PPP2R2B: variants seen among roughly 807,000 people sequenced by gnomAD.
PPP2R2B encodes the protein protein phosphatase 2 regulatory subunit Bbeta.
In PPP2R2B, 5 loss-of-function variants were observed where a neutral mutation model predicts 46.0. The ratio of observed to expected loss-of-function variants is 0.11; its 90% CI spans 0.06 to 0.23. The LOEUF (loss-of-function observed/expected upper bound fraction) is 0.23, where lower values mean the gene tolerates loss of function less well. PPP2R2B is among the 10% of genes least tolerant of loss of function. The probability of loss-of-function intolerance (pLI) is 1.00; values close to 1 mark genes in which losing one functional copy is unlikely to be tolerated. For synonymous variants in PPP2R2B, 215 were observed against 206.7 expected, an observed-to-expected ratio of 1.04 and a Z score of -0.34; for missense variants, 367 against 575.0, an observed-to-expected ratio of 0.64 and a Z score of 3.70.
At chr5:146,866,173 G>A (rs1042650152) in intron 2 of PPP2R2B, among the ~76,000 whole-genome samples, 1 of 152,152 alleles carries the variant, frequency 6.6e-6, no homozygotes, top group Non-Finnish European at 1.5e-5. Context: ...AGAGTTTACT[G>A]ATCCCTGCTC....
chr5:146,671,572 C>A (rs918393186), intron 5 of PPP2R2B, among the ~76,000 whole-genome samples: 3 of 152,196 alleles, frequency 2.0e-5, no homozygotes, highest in Non-Finnish European at 4.4e-5. Context: ...GTGTGCCACT[C>A]CATCAAACAC....
chr5:146,908,349 G>A (rs1763067937), intron 1 of PPP2R2B, among the ~76,000 whole-genome samples: 1 of 152,000 alleles, frequency 6.6e-6, no homozygotes, highest in African/African-American at 2.4e-5. Flanking sequence ...AAGTTTCAAG[G>A]AATTATGCAG....
At chr5:146,603,513 C>T (rs1268355186) in intron 7 of PPP2R2B, among the ~76,000 whole-genome samples, 1 of 152,164 alleles carries the variant, frequency 6.6e-6, no homozygotes, top group African/African-American at 2.4e-5. Flanking sequence ...CTTCAATCAA[C>T]CTACCACCAT....
chr5:146,706,544 C>A, intron 2 of PPP2R2B: 2 of 1,084,230 alleles, frequency 1.8e-6, no homozygotes, highest in East Asian at 2.8e-5. Context: ...ACTTGGTCTG[C>A]TGAAGGGCGG....
intron 1 of PPP2R2B, among the ~76,000 whole-genome samples, chr5:146,955,232 A>G (rs1350662150): frequency 6.6e-6 from 1 of 152,200 alleles, no homozygotes; most frequent in Non-Finnish European, 1.5e-5. Context: ...ATTCTTATGC[A>G]TCCAGCTCAA....
intron 1 of PPP2R2B, among the ~76,000 whole-genome samples, chr5:146,982,243 C>G (rs187669756): frequency 6.6e-6 from 1 of 152,110 alleles, no homozygotes; most frequent in Admixed American, 6.6e-5. Flanking sequence ...CCAGGTCCCA[C>G]AATTTTTGAT....
At chr5:147,053,483 A>C (rs1756928687) in intron 1 of PPP2R2B, among the ~76,000 whole-genome samples, 1 of 151,370 alleles carries the variant, frequency 6.6e-6, no homozygotes, top group South Asian at 2.1e-4. Context: ...TAAAATGTGA[A>C]GTTCACAGCC....
intron 1 of PPP2R2B, among the ~76,000 whole-genome samples, chr5:146,895,951 T>G (rs944095550): frequency 6.6e-6 from 1 of 152,076 alleles, no homozygotes; most frequent in Non-Finnish European, 1.5e-5. Context: ...TAAGAAATTA[T>G]GAAAATCGCA....
intron 1 of PPP2R2B, among the ~76,000 whole-genome samples, chr5:147,030,733 T>A (rs546876662): frequency 1.8e-4 from 27 of 152,284 alleles, no homozygotes; most frequent in African/African-American, 6.5e-4. Context: ...TCCCCGAAAG[T>A]CTAAGAGAGC....
At chr5:147,009,389 T>C (rs1754606053) in intron 1 of PPP2R2B, among the ~76,000 whole-genome samples, 1 of 152,202 alleles carries the variant, frequency 6.6e-6, no homozygotes, top group Non-Finnish European at 1.5e-5. Flanking sequence ...TTTAAATCCT[T>C]GTATGAATGA....
intron 1 of PPP2R2B, among the ~76,000 whole-genome samples, chr5:146,907,241 AAAT>A (rs1355127043): frequency 1.3e-5 from 2 of 152,184 alleles, no homozygotes; most frequent in Admixed American, 6.5e-5. Context: ...GTAGAAGTTA[AAAT>A]CTAGAAATAA....
intron 1 of PPP2R2B, among the ~76,000 whole-genome samples, chr5:146,928,005 G>T (rs1439848974): frequency 6.6e-6 from 1 of 152,088 alleles, no homozygotes; most frequent in Non-Finnish European, 1.5e-5. Flanking sequence ...CTCCCAAAGT[G>T]CTGGGATTAC....
chr5:146,891,689 A>T (rs1762495726), intron 1 of PPP2R2B, among the ~76,000 whole-genome samples: 1 of 152,196 alleles, frequency 6.6e-6, no homozygotes, highest in South Asian at 2.1e-4. Context: ...TTAGTAATTT[A>T]TGTGCGAATA....
Position 146,653,651 on chromosome 5 carries a change from C to T in PPP2R2B, c.448-2927G>A, listed in dbSNP as rs577243266. Among the ~76,000 whole-genome samples the T allele has an allele frequency of 7.0e-3, 1,058 of 152,178 alleles. 13 individuals carry two copies. Among genetic ancestry groups the T allele is most frequent in the African/African-American group, 0.024 (1,006 of 41,508 alleles). On this transcript the variant is annotated intron_variant, in intron 5 of 9. Transcript: ENST00000394411. ...CTGCAGAGATTTCTTGTGGCTGTGG[C>T]GACATGGGAGGGAGCATGCAGCCAG...
intron 7 of PPP2R2B, among the ~76,000 whole-genome samples, chr5:146,608,413 T>C (rs907163912): frequency 6.6e-6 from 1 of 152,198 alleles, no homozygotes; most frequent in African/African-American, 2.4e-5. Context: ...GTTTTCCTTA[T>C]CTTGTTAAGA....
At chr5:147,069,793 T>TTTTTTG (rs1561611877) in intron 2 of PPP2R2B, among the ~76,000 whole-genome samples, 1 of 121,394 alleles carries the variant, frequency 8.2e-6, no homozygotes, top group Non-Finnish European at 1.7e-5. Flanking sequence ...CTGTTTTTTT[T>TTTTTTG]TTTTTTTTTT....
In PPP2R2B at chr5:146,598,276, T is replaced by C. The variant is rs367591435; in HGVS notation, c.960+2015A>G. 5.2e-4 allele frequency among the ~76,000 whole-genome samples: 79 copies of C among 152,342 alleles called. No individual in the cohort carries two copies. The South Asian group carries it at 0.016, about 31-fold the overall frequency. The stretch of plus-strand genomic sequence containing the variant: ...AAAGCATTTGGCAGTTGATGACTTA[T>C]TTTTCCTTAAGACAGTTTCTCTATT... On this transcript the variant is annotated intron_variant, in intron 8 of 9. Coordinates refer to ENST00000394411, the MANE Select transcript of PPP2R2B (RefSeq NM_181675.4).
chr5:146,814,912 C>T (rs1757838081), intron 2 of PPP2R2B, among the ~76,000 whole-genome samples: 1 of 152,206 alleles, frequency 6.6e-6, no homozygotes, highest in Non-Finnish European at 1.5e-5. Flanking sequence ...CTGCCTTGGT[C>T]TCTCCTTCTG....
At chr5:147,064,042 C>T (rs1175967934) in intron 2 of PPP2R2B, among the ~76,000 whole-genome samples, 1 of 152,160 alleles carries the variant, frequency 6.6e-6, no homozygotes, top group Non-Finnish European at 1.5e-5. Flanking sequence ...GCTCATTCAG[C>T]GAGGACCTTC....
Sources: gnomAD v4.1 joint callset for allele counts (sites outside exome capture counted in the v4.1 genomes callset) on GRCh38, gnomAD v4.1.1 for gene constraint, MANE v1.5 for transcripts, NCBI Gene and HGNC (gene_info 2026-07-23, HGNC 2026-07-21) for gene names.